The following ARHGAP39 variants were observed in gnomAD, a reference collection of about 807,000 sequenced individuals.
ARHGAP39 encodes the protein Rho GTPase activating protein 39.
ARHGAP39 carries 44 observed loss-of-function variants against 106.9 expected under a neutral mutation model. That is an observed-to-expected ratio of 0.41 (90% CI 0.32 to 0.53). The LOEUF is 0.53. Among genes scored for constraint, ARHGAP39 ranks in the 20% least tolerant of loss-of-function variants. The probability of loss-of-function intolerance (pLI) is 0.21; values close to 1 mark genes in which losing one functional copy is unlikely to be tolerated. For synonymous variants in ARHGAP39, 768 were observed against 693.2 expected, an observed-to-expected ratio of 1.11 and a Z score of -1.69; for missense variants, 1,496 against 1,577.3, an observed-to-expected ratio of 0.95 and a Z score of 0.87.
intron 1 of ARHGAP39, among the ~76,000 whole-genome samples, chr8:144,619,433 CCT>C (rs1164753786): frequency 3.3e-5 from 5 of 151,024 alleles, no homozygotes; most frequent in East Asian, 2.0e-4. Context: ...CCCGTGTGTC[CCT>C]GAGACAGCAG....
chr8:144,570,522 G>A (rs956631194), intron 3 of ARHGAP39, among the ~76,000 whole-genome samples: 8 of 152,168 alleles, frequency 5.3e-5, no homozygotes, highest in Non-Finnish European at 7.3e-5. Flanking sequence ...AGGATTAGAC[G>A]CAACGACAAT....
intron 1 of ARHGAP39, among the ~76,000 whole-genome samples, chr8:144,678,884 G>C (rs1474193872): frequency 6.6e-6 from 1 of 152,108 alleles, no homozygotes; most frequent in African/African-American, 2.4e-5. Flanking sequence ...CTCAAGGCTG[G>C]GGCAGGAGAG....
chr8:144,595,964 G>A (rs182160089), intron 2 of ARHGAP39, among the ~76,000 whole-genome samples: 169 of 152,154 alleles, frequency 1.1e-3, no homozygotes, highest in African/African-American at 2.6e-3. Flanking sequence ...TCTGCCAGGC[G>A]GCAGGTGTGG....
At chr8:144,632,538 A>G (rs1302859410) in intron 1 of ARHGAP39, among the ~76,000 whole-genome samples, 1 of 152,230 alleles carries the variant, frequency 6.6e-6, no homozygotes, top group Non-Finnish European at 1.5e-5. Flanking sequence ...GCTGCACCAC[A>G]GGGCAGAGCC....
At chr8:144,678,271 A>G (rs1441301812) in intron 1 of ARHGAP39, among the ~76,000 whole-genome samples, 1 of 141,074 alleles carries the variant, frequency 7.1e-6, no homozygotes, top group Admixed American at 7.2e-5. Context: ...CTCTCTCTCT[A>G]AAAAAAAAAA....
chr8:144,529,754 CGAA>C lies in ARHGAP39; in HGVS notation c.*665_*667del, dbSNP rs1293445977. On this transcript the variant is annotated 3_prime_UTR_variant, in exon 12 of 12. Transcript: ENST00000377307. ...GATAGATTCTGGATTTACAGTTACA[CGAA>C]GAAAAAAATACTCTCGCCCCTCCCC... 2.0e-5 allele frequency: 3 copies of C among 152,334 alleles called. No individual in the cohort carries two copies. Among genetic ancestry groups the C allele is most frequent in the African/African-American group, 7.2e-5 (3 of 41,532 alleles). 9.4% of individuals were successfully genotyped at this position (152,334 alleles called of 1,614,324 possible).
Position 144,604,243 on chromosome 8 carries a change from C to G in ARHGAP39, c.80+1292G>C, listed in dbSNP as rs1820197439. ...GTGCGGGCGAGGCCTCTGTCGGGGT[C>G]AGAGGTCATGTTGCCAGGTGAGGGG... On this transcript the variant is annotated intron_variant, in intron 2 of 11. Transcript: ENST00000377307. The surrounding 1 kb of genome is among the most constrained non-coding windows in gnomAD (Gnocchi z 4.1). 6.6e-6 allele frequency among the ~76,000 whole-genome samples: 1 copy of G among 152,142 alleles called. No homozygotes were observed. Among genetic ancestry groups the G allele is most frequent in the Non-Finnish European group, 1.5e-5 (1 of 68,034 alleles).
chr8:144,533,027 C>A, intron 9 of ARHGAP39, 99 bp downstream of exon 9: 1 of 1,422,128 alleles, frequency 7.0e-7, no homozygotes, highest in Non-Finnish European at 9.6e-7. Flanking sequence ...GCGGAAGCAG[C>A]CCAGTGGGCC....
chr8:144,681,255 T>C (rs886575901), intron 1 of ARHGAP39, among the ~76,000 whole-genome samples: 2 of 152,142 alleles, frequency 1.3e-5, no homozygotes, highest in African/African-American at 4.8e-5. Flanking sequence ...GGTAAGGATT[T>C]CACTTGTTGA....
chr8:144,671,020 GAC>G lies in ARHGAP39; in HGVS notation c.-82+14664_-82+14665del, dbSNP rs1157769460. ...ACCACACACATGTGCTCACACTCAG[GAC>G]ACACAGTGCTGCCAAGCCTCAGGGC... On this transcript the variant is annotated intron_variant, in intron 1 of 11. Transcript: ENST00000377307. The surrounding 1 kb of genome is among the most constrained non-coding windows in gnomAD (Gnocchi z 4.5). Among the ~76,000 whole-genome samples, 2 of 152,136 alleles carry G rather than the reference GAC, an allele frequency of 1.3e-5. No individual in the cohort carries two copies. Among genetic ancestry groups the G allele is most frequent in the Non-Finnish European group, 2.9e-5 (2 of 68,014 alleles).
intron 1 of ARHGAP39, among the ~76,000 whole-genome samples, chr8:144,665,478 C>A: frequency 6.6e-6 from 1 of 152,182 alleles, no homozygotes. Flanking sequence ...TTCATGGCAG[C>A]CCCTGCCACC....
chr8:144,576,332 C>CAAAAAAAAA (rs67038997), intron 3 of ARHGAP39, among the ~76,000 whole-genome samples: 1 of 63,812 alleles, frequency 1.6e-5, no homozygotes, highest in Non-Finnish European at 3.0e-5. Flanking sequence ...GACTCCGTCT[C>CAAAAAAAAA]AAAAAAAAAA....
intron 3 of ARHGAP39, among the ~76,000 whole-genome samples, chr8:144,571,808 CA>C (rs1409776693): frequency 1.3e-5 from 2 of 152,204 alleles, no homozygotes; most frequent in Non-Finnish European, 2.9e-5. Flanking sequence ...AATACAAAAT[CA>C]ATGTGAAAAA....
At chr8:144,541,540 A>G (rs1320413658) in intron 6 of ARHGAP39, among the ~76,000 whole-genome samples, 1 of 152,102 alleles carries the variant, frequency 6.6e-6, no homozygotes, top group Non-Finnish European at 1.5e-5. Flanking sequence ...TCCCTCCCTC[A>G]GCCGTGGCAC....
intron 1 of ARHGAP39, among the ~76,000 whole-genome samples, chr8:144,667,167 C>T (rs1337147958): frequency 5.3e-5 from 8 of 152,352 alleles, no homozygotes; most frequent in African/African-American, 1.9e-4. Flanking sequence ...CACCCTGATG[C>T]TCCAAGCCCA....
At chr8:144,599,031 G>T (rs1218482157) in intron 2 of ARHGAP39, among the ~76,000 whole-genome samples, 5 of 152,234 alleles carry the variant, frequency 3.3e-5, no homozygotes, top group African/African-American at 9.6e-5. Context: ...AGCCCAGGCT[G>T]CATGGAGACC....
intron 1 of ARHGAP39, among the ~76,000 whole-genome samples, chr8:144,656,609 C>A (rs548848915): frequency 2.0e-5 from 3 of 152,054 alleles, no homozygotes; most frequent in African/African-American, 7.2e-5. Flanking sequence ...GAATTTAAGA[C>A]CAGCCTGGCC....
At chr8:144,596,209 T>C (rs879628579) in intron 2 of ARHGAP39, among the ~76,000 whole-genome samples, 152 of 112,376 alleles carry the variant, frequency 1.4e-3, no homozygotes, top group Middle Eastern at 7.5e-3. Context: ...GCAGAGGGGA[T>C]GGCTAAGGCC....
At chr8:144,593,584 T>A (rs555089120) in intron 2 of ARHGAP39, among the ~76,000 whole-genome samples, 1 of 152,034 alleles carries the variant, frequency 6.6e-6, no homozygotes, top group Non-Finnish European at 1.5e-5. Flanking sequence ...ACAGACTTCA[T>A]CAAAATTAAA....
Sources: gnomAD v4.1 joint callset for allele counts (sites outside exome capture counted in the v4.1 genomes callset) on GRCh38, gnomAD v4.1.1 for gene constraint, Gnocchi (gnomAD v3.1) non-coding constraint, MANE v1.5 for transcripts, NCBI Gene and HGNC (gene_info 2026-07-23, HGNC 2026-07-21) for gene names.